ETV6: variants seen among roughly 807,000 people sequenced by gnomAD.
ETV6 encodes the protein ETS variant transcription factor 6.
ETV6 carries 16 observed loss-of-function variants against 51.1 expected under a neutral mutation model. That is an observed-to-expected ratio of 0.31 (90% confidence interval 0.21 to 0.48). ETV6 has a LOEUF of 0.48. Among genes scored for constraint, ETV6 ranks in the 20% least tolerant of loss-of-function variants. The pLI is 0.99. For synonymous variants in ETV6, 240 were observed against 224.1 expected (o/e 1.07, Z -0.64); for missense variants, 458 against 594.8 (o/e 0.77, Z 2.39).
chr12:11,815,919 T>A (rs1401291478), intron 2 of ETV6, among the ~76,000 whole-genome samples: 1 of 152,212 alleles, frequency 6.6e-6, no homozygotes, highest in Non-Finnish European at 1.5e-5. Flanking sequence ...TTTTTGCTGT[T>A]CAACACCTCT....
At chr12:11,746,018 C>A (rs1397139393) in intron 1 of ETV6, among the ~76,000 whole-genome samples, 1 of 152,222 alleles carries the variant, frequency 6.6e-6, no homozygotes, top group South Asian at 2.1e-4. Flanking sequence ...GATAGAGTCC[C>A]CTTCCGTCAG....
chr12:11,845,991 CAAAAAA>C (rs60730342), intron 3 of ETV6, among the ~76,000 whole-genome samples: 2 of 118,066 alleles, frequency 1.7e-5, no homozygotes, highest in African/African-American at 3.2e-5. Flanking sequence ...GACTCCGTCT[CAAAAAA>C]AAAAAAAAGA....
At chr12:11,670,899 A>G (rs1370540040) in intron 1 of ETV6, among the ~76,000 whole-genome samples, 3 of 152,220 alleles carry the variant, frequency 2.0e-5, no homozygotes, top group Admixed American at 6.5e-5. Context: ...CTAATCATTT[A>G]TAACGAAGAG....
At chr12:11,777,543 T>C (rs988199803) in intron 2 of ETV6, among the ~76,000 whole-genome samples, 1 of 151,972 alleles carries the variant, frequency 6.6e-6, no homozygotes, top group Non-Finnish European at 1.5e-5. Flanking sequence ...TGCACCTAGA[T>C]TTATTGTGTC....
At chr12:11,834,133 G>A (rs149873269) in intron 2 of ETV6, among the ~76,000 whole-genome samples, 339 of 152,294 alleles carry the variant, frequency 2.2e-3, no homozygotes, top group African/African-American at 7.5e-3. Flanking sequence ...ACCAATTAAG[G>A]ACGTTTCATC....
intron 1 of ETV6, among the ~76,000 whole-genome samples, chr12:11,654,848 A>G (rs1023222967): frequency 2.6e-5 from 4 of 152,212 alleles, no homozygotes; most frequent in Admixed American, 2.0e-4. Flanking sequence ...ATCAAGGGTC[A>G]GACAATCCTA....
chr12:11,786,902 T>C (rs1945494148), intron 2 of ETV6, among the ~76,000 whole-genome samples: 1 of 152,180 alleles, frequency 6.6e-6, no homozygotes, highest in African/African-American at 2.4e-5. Flanking sequence ...TTTAAATCCT[T>C]GGCTTTTTTT....
chr12:11,827,445 G>T (rs1307142060), intron 2 of ETV6, among the ~76,000 whole-genome samples: 1 of 152,188 alleles, frequency 6.6e-6, no homozygotes, highest in Non-Finnish European at 1.5e-5. Flanking sequence ...TGGAGGTGCT[G>T]TAGGTCAGAT....
chr12:11,708,503 C>G (rs538839780), intron 1 of ETV6, among the ~76,000 whole-genome samples: 1 of 152,174 alleles, frequency 6.6e-6, no homozygotes, highest in East Asian at 1.9e-4. Context: ...CCACTGGTTT[C>G]TTGCAGTCTG....
chr12:11,864,721 A>G (rs1228011380), intron 4 of ETV6, among the ~76,000 whole-genome samples: 1 of 152,000 alleles, frequency 6.6e-6, no homozygotes, highest in African/African-American at 2.4e-5. Context: ...TGTCTTTCCA[A>G]CCTATATCCT....
At chr12:11,885,098 G>T (rs1467339374) in intron 6 of ETV6, among the ~76,000 whole-genome samples, 1 of 152,212 alleles carries the variant, frequency 6.6e-6, no homozygotes, top group East Asian at 1.9e-4. Context: ...CTGGGAGGAG[G>T]GAATGGAATT....
At chr12:11,702,691 G>A (rs1327002949) in intron 1 of ETV6, among the ~76,000 whole-genome samples, 1 of 151,980 alleles carries the variant, frequency 6.6e-6, no homozygotes, top group Non-Finnish European at 1.5e-5. Context: ...GTGGTCCATA[G>A]AACCTTGGCT....
intron 2 of ETV6, among the ~76,000 whole-genome samples, chr12:11,762,576 G>C (rs1161972657): frequency 6.6e-6 from 1 of 152,328 alleles, no homozygotes; most frequent in South Asian, 2.1e-4. Context: ...AAAAAGCACA[G>C]TTGGCAAGGG....
At chr12:11,712,769 G>T (rs1273258463) in intron 1 of ETV6, among the ~76,000 whole-genome samples, 1 of 152,092 alleles carries the variant, frequency 6.6e-6, no homozygotes, top group Non-Finnish European at 1.5e-5. Context: ...TCATCTAAAC[G>T]GTATCTTCAC....
intron 1 of ETV6, among the ~76,000 whole-genome samples, chr12:11,661,462 A>G (rs991413772): frequency 6.6e-6 from 1 of 152,342 alleles, no homozygotes; most frequent in Non-Finnish European, 1.5e-5. Flanking sequence ...CTCACTTTGT[A>G]CCTTTTGATC....
At chr12:11,794,804 G>C (rs1945653330) in intron 2 of ETV6, among the ~76,000 whole-genome samples, 1 of 152,050 alleles carries the variant, frequency 6.6e-6, no homozygotes, top group South Asian at 2.1e-4. Flanking sequence ...ATTCCATGCA[G>C]ACATCAATGA....
intron 2 of ETV6, among the ~76,000 whole-genome samples, chr12:11,815,393 G>A (rs1470253082): frequency 6.6e-6 from 1 of 152,192 alleles, no homozygotes; most frequent in African/African-American, 2.4e-5. Flanking sequence ...CAAGGCAACT[G>A]GTCCACATGG....
At chr12:11,888,808 C>T (rs936988840) in intron 7 of ETV6, among the ~76,000 whole-genome samples, 1 of 152,144 alleles carries the variant, frequency 6.6e-6, no homozygotes, top group Non-Finnish European at 1.5e-5. Flanking sequence ...CTCAAGCCAT[C>T]CTCCTGCCTC....
At chr12:11,853,976 T>C (rs1283580990) in intron 4 of ETV6, among the ~76,000 whole-genome samples, 1 of 152,174 alleles carries the variant, frequency 6.6e-6, no homozygotes, top group African/African-American at 2.4e-5. Context: ...TTTGGGATGA[T>C]TCAAGTGCAT....
Sources: gnomAD v4.1 joint callset for allele counts (sites outside exome capture counted in the v4.1 genomes callset) on GRCh38, gnomAD v4.1.1 for gene constraint, MANE v1.5 for transcripts, NCBI Gene and HGNC (gene_info 2026-07-23, HGNC 2026-07-21) for gene names.